FBN1: variants seen among roughly 807,000 people sequenced by gnomAD.
The protein encoded by FBN1 is fibrillin 1.
A neutral mutation model predicts 365.1 loss-of-function variants in FBN1; 29 were observed. The observed-to-expected ratio is 0.08, with a 90% CI of 0.06 to 0.11. The LOEUF is 0.11. FBN1 is among the 10% of genes least tolerant of loss of function. The probability of loss-of-function intolerance (pLI) is 1.00; values close to 1 mark genes in which losing one functional copy is unlikely to be tolerated. For synonymous variants in FBN1, 1,210 were observed against 1,270.5 expected (o/e 0.95, Z 1.01); for missense variants, 2,476 against 3,703.2 (o/e 0.67, Z 8.60).
chr15:48,454,446 A>G (rs1291856006), intron 44 of FBN1, among the ~76,000 whole-genome samples: 2 of 152,056 alleles, frequency 1.3e-5, no homozygotes, highest in African/African-American at 4.8e-5. Context: ...TCTACAAAAC[A>G]AAACAACAAC....
rs545139699 is a variant in FBN1 at position 48,612,876 on chromosome 15, A to G, written c.247+134T>C. ...TATTTCCCAAACTGGAAAGGTAGAAAAGTCTTAAAGCTGGAAGGCTGTACT... is the reference window on the plus strand; with the variant it reads ...TATTTCCCAAACTGGAAAGGTAGAAGAGTCTTAAAGCTGGAAGGCTGTACT... On this transcript the variant is annotated intron_variant, in intron 3 of 65. Transcript: ENST00000316623. The G allele has an allele frequency of 3.8e-5, 29 of 755,418 alleles. No individual in the cohort carries two copies. The Middle Eastern group carries it at 1.4e-3, about 36-fold the overall frequency. 46.8% of individuals were successfully genotyped at this position (755,418 alleles called of 1,614,324 possible).
At chr15:48,443,488 AATAAAAGTAAAATAACATG>A (rs2141246972) in intron 49 of FBN1, among the ~76,000 whole-genome samples, 1 of 152,282 alleles carries the variant, frequency 6.6e-6, no homozygotes, top group East Asian at 1.9e-4. Context: ...GCCAATTTTT[AATAAAAGTAAAATAACATG>A]CTTAAAAAAT....
intron 5 of FBN1, among the ~76,000 whole-genome samples, chr15:48,598,962 T>G (rs541735849): frequency 6.6e-6 from 1 of 152,294 alleles, no homozygotes; most frequent in East Asian, 1.9e-4. Context: ...AGGGGGAGTT[T>G]TCCTGCACAA....
rs199516630 is a variant in FBN1 at position 48,445,143 on chromosome 15, CACATATATATAT to C, written c.5917+221_5917+232del. On this transcript the variant is annotated intron_variant, in intron 48 of 65. Coordinates refer to ENST00000316623, the MANE Select transcript of FBN1 (RefSeq NM_000138.5). The stretch of plus-strand genomic sequence containing the variant: ...ATACACATATATATATATACACACA[CACATATATATAT>C]ACATATATATATACACACATATATA... Among the ~76,000 whole-genome samples, 17,279 of 139,182 alleles carry C rather than the reference CACATATATATAT, an allele frequency of 0.12. 1,195 individuals carry two copies. The highest frequency in any genetic ancestry group is 0.2 in the African/African-American group (7,543 of 38,594). 91.3% of individuals were successfully genotyped at this position (139,182 alleles called of 152,430 possible).
At chr15:48,427,408 C>T (rs2042986078) in intron 58 of FBN1, among the ~76,000 whole-genome samples, 159 bp downstream of exon 58, 1 of 152,212 alleles carries the variant, frequency 6.6e-6, no homozygotes, top group Non-Finnish European at 1.5e-5. Flanking sequence ...GCAGCATGAC[C>T]TCAAATGTCT....
chr15:48,578,220 G>A (rs2044364337), intron 6 of FBN1, among the ~76,000 whole-genome samples: 2 of 152,196 alleles, frequency 1.3e-5, no homozygotes, highest in East Asian at 3.9e-4. Flanking sequence ...GGGAGAAAGT[G>A]GAAAGAAAAA....
intron 64 of FBN1, among the ~76,000 whole-genome samples, chr15:48,413,196 T>A (rs925762585): frequency 1.3e-5 from 2 of 152,244 alleles, no homozygotes; most frequent in African/African-American, 4.8e-5. Context: ...CCCACTTCCA[T>A]CATTACTTTT....
At chr15:48,414,531 AATTCAGCAGGAAAAAAG>A (rs1463220282) in intron 64 of FBN1, among the ~76,000 whole-genome samples, 1 of 152,188 alleles carries the variant, frequency 6.6e-6, no homozygotes, top group Admixed American at 6.5e-5. Context: ...AGTCCAGATT[AATTCAGCAGGAAAAAAG>A]ATCCAAACTT....
At chr15:48,641,363 A>T (rs1890194961) in intron 2 of FBN1, 1 of 152,126 alleles carries the variant, frequency 6.6e-6, no homozygotes, top group Non-Finnish European at 1.5e-5. Context: ...GGGACTGCAC[A>T]TCCAGTGAGC....
In FBN1 at chr15:48,642,086, T is replaced by C. The variant is rs186721694; in HGVS notation, c.164+2520A>G. On this transcript the variant is annotated intron_variant, in intron 2 of 65. Coordinates refer to ENST00000316623, the MANE Select transcript of FBN1 (RefSeq NM_000138.5). ...CTGTTCCAGTGACATAATGAGGTTC[T>C]ATACAACAAGAAAATGGGGTAGGGC... is the stretch of plus-strand genomic sequence containing the variant. 5 of 152,348 alleles carry C rather than the reference T, an allele frequency of 3.3e-5. No individual in the cohort carries two copies. In the East Asian group the frequency reaches 5.8e-4, roughly 18 times the overall value. 9.4% of individuals were successfully genotyped at this position (152,348 alleles called of 1,614,324 possible).
intron 64 of FBN1, among the ~76,000 whole-genome samples, chr15:48,415,244 A>G (rs1353025884): frequency 6.6e-6 from 1 of 152,208 alleles, no homozygotes; most frequent in Non-Finnish European, 1.5e-5. Flanking sequence ...GTATTTACAG[A>G]GAGATGAATC....
At chr15:48,442,067 C>G (rs2043119825) in intron 49 of FBN1, among the ~76,000 whole-genome samples, 2 of 152,206 alleles carry the variant, frequency 1.3e-5, no homozygotes, top group South Asian at 4.1e-4. Flanking sequence ...GAATGTGCAA[C>G]TGCCTTCTAA....
Position 48,610,721 on chromosome 15 carries a change from G to C in FBN1, c.346+7C>G. ...TAATATTATATATAATGACATGTTA[G>C]ACTTACTGGATCTGGAGCCACAGGA... On this transcript the variant is annotated splice_region_variant and intron_variant, in intron 4 of 65. Transcript: ENST00000316623. 1 of 1,599,026 alleles carries C rather than the reference G, an allele frequency of 6.3e-7. No individual in the cohort carries two copies. The highest frequency in any genetic ancestry group is 8.6e-7 in the Non-Finnish European group (1 of 1,166,358).
At chr15:48,433,120 T>TG in intron 54 of FBN1, 132 bp from the exon 55 acceptor site, 1 of 909,912 alleles carries the variant, frequency 1.1e-6, no homozygotes, top group Admixed American at 2.0e-5. Context: ...ATGGATCAAG[T>TG]GGTCTCCCAT....
At position 48,499,957 on chromosome 15, in the gene FBN1, G is replaced by A. The variant is rs139595860; in HGVS notation, c.2114-919C>T. On this transcript the variant is annotated intron_variant, in intron 17 of 65. Coordinates refer to ENST00000316623, the MANE Select transcript of FBN1 (RefSeq NM_000138.5). The stretch of plus-strand genomic sequence containing the variant: ...CTGCACCTCACTGCTGAAGCAAATA[G>A]TTCCTATCCCCTGCATGCCAGAGAA... 3.3e-5 allele frequency among the ~76,000 whole-genome samples: 5 copies of A among 152,290 alleles called. No individual in the cohort carries two copies. In the East Asian group the frequency reaches 9.6e-4, roughly 29 times the overall value.
chr15:48,482,183 G>A (rs1403720329), intron 31 of FBN1, among the ~76,000 whole-genome samples: 1 of 152,176 alleles, frequency 6.6e-6, no homozygotes, highest in Non-Finnish European at 1.5e-5. Flanking sequence ...GGTTGTCTTA[G>A]TGTAAGTAGT....
chr15:48,495,995 C>T (rs886770980), intron 20 of FBN1, 105 bp downstream of exon 20: 3 of 1,428,332 alleles, frequency 2.1e-6, no homozygotes, highest in Non-Finnish European at 3.0e-6. Flanking sequence ...ACTAAACTGG[C>T]ATAACTGTCT....
At chr15:48,503,506 T>G (rs988299876) in intron 17 of FBN1, among the ~76,000 whole-genome samples, 1 of 151,498 alleles carries the variant, frequency 6.6e-6, no homozygotes, top group Non-Finnish European at 1.5e-5. Flanking sequence ...TGAAACAACT[T>G]TAGAAAACAA....
chr15:48,513,815 A>G lies in FBN1; in HGVS notation c.1469-147T>C. Reference sequence around the variant, plus strand: ...AAGGATCTTTTTTCTTTCCACTACAATATGTCATTAGCCATTTGAAGACTG... The same window carrying G: ...AAGGATCTTTTTTCTTTCCACTACAGTATGTCATTAGCCATTTGAAGACTG... On this transcript the variant is annotated intron_variant, in intron 12 of 65. Transcript: ENST00000316623. The G allele has an allele frequency of 3.4e-6, 3 of 890,572 alleles. No individual in the cohort carries two copies. The South Asian group carries it at 4.5e-5, about 13-fold the overall frequency. The allele number at this position is 890,572 out of a possible 1,614,324, so 55.2% of individuals were successfully genotyped here. A position where few individuals can be genotyped will look rare whatever the true frequency, so the allele number is the denominator to read the frequency against.
Sources: allele counts gnomAD v4.1 joint callset (sites outside exome capture counted in the v4.1 genomes callset), GRCh38; gene constraint gnomAD v4.1.1; transcripts MANE v1.5; gene names NCBI Gene and HGNC (gene_info 2026-07-23, HGNC 2026-07-21).